The following CNTLN variants were observed in gnomAD, a reference collection of about 807,000 sequenced individuals.
CNTLN encodes centlein, centrosomal protein.
CNTLN carries 212 observed loss-of-function variants against 180.0 expected under a neutral mutation model. The ratio of observed to expected loss-of-function variants is 1.18; its 90% confidence interval spans 1.05 to 1.32. The LOEUF is 1.32. CNTLN is among the 40% of genes most tolerant of loss of function. The pLI is 0.00. For missense variants in CNTLN, 2,095 were observed against 1,610.9 expected (o/e 1.30, Z -5.14); for synonymous variants, 722 against 563.1 (o/e 1.28, Z -3.99).
intron 10 of CNTLN, among the ~76,000 whole-genome samples, chr9:17,337,049 A>G (rs1821094696): frequency 1.3e-5 from 2 of 152,082 alleles, no homozygotes; most frequent in Non-Finnish European, 2.9e-5. Flanking sequence ...TTTGATTTCC[A>G]TAATGACCAG....
chr9:17,359,331 C>T (rs1428908994), intron 12 of CNTLN, among the ~76,000 whole-genome samples: 3 of 151,930 alleles, frequency 2.0e-5, no homozygotes, highest in Non-Finnish European at 4.4e-5. Flanking sequence ...TTTCTTAAAC[C>T]AGGCATAAAA....
At chr9:17,345,786 G>A (rs375959941) in intron 12 of CNTLN, among the ~76,000 whole-genome samples, 18 of 151,936 alleles carry the variant, frequency 1.2e-4, no homozygotes, top group African/African-American at 1.9e-4. Flanking sequence ...AACATGGGTC[G>A]TCTCTTATGT....
intron 2 of CNTLN, among the ~76,000 whole-genome samples, chr9:17,172,386 C>G (rs1229066256): frequency 6.6e-6 from 1 of 152,146 alleles, no homozygotes; most frequent in Non-Finnish European, 1.5e-5. Flanking sequence ...TAGTTGTCCC[C>G]AGACATTTTA....
intron 12 of CNTLN, among the ~76,000 whole-genome samples, chr9:17,356,073 A>AG (rs1822817602): frequency 2.7e-5 from 3 of 110,794 alleles, no homozygotes; most frequent in African/African-American, 9.6e-5. Flanking sequence ...CAAAAAAAAA[A>AG]AAAAAAAAGA....
intron 2 of CNTLN, among the ~76,000 whole-genome samples, chr9:17,222,707 A>C (rs1172864557): frequency 6.6e-6 from 1 of 151,944 alleles, no homozygotes; most frequent in African/African-American, 2.4e-5. Flanking sequence ...ATACATTAAT[A>C]TTGCTAAATC....
chr9:17,382,135 C>T (rs1002965878), intron 13 of CNTLN, among the ~76,000 whole-genome samples: 8 of 152,062 alleles, frequency 5.3e-5, no homozygotes, highest in Non-Finnish European at 7.4e-5. Context: ...GTATATGTTG[C>T]GAGCATATGG....
chr9:17,306,836 G>A (rs1027879771), intron 7 of CNTLN, among the ~76,000 whole-genome samples: 3 of 152,086 alleles, frequency 2.0e-5, no homozygotes, highest in African/African-American at 7.2e-5. Context: ...TAATGCACCC[G>A]AGATTAGAAA....
chr9:17,395,947 A>G (rs932523404), intron 15 of CNTLN, among the ~76,000 whole-genome samples: 1 of 152,318 alleles, frequency 6.6e-6, no homozygotes, highest in Non-Finnish European at 1.5e-5. Context: ...AGTACAAAAC[A>G]AAGGTCATAA....
chr9:17,478,227 T>G (rs549611452), intron 23 of CNTLN, among the ~76,000 whole-genome samples: 9 of 152,250 alleles, frequency 5.9e-5, no homozygotes, highest in Non-Finnish European at 1.3e-4. Context: ...ATTGTATGAC[T>G]CACTTTATTG....
intron 13 of CNTLN, among the ~76,000 whole-genome samples, chr9:17,373,229 T>G (rs1033980520): frequency 4.6e-5 from 7 of 152,020 alleles, no homozygotes; most frequent in Non-Finnish European, 1.0e-4. Context: ...TTGGAAAAAC[T>G]TAAGAGTCCA....
chr9:17,205,705 A>C (rs571426223), intron 2 of CNTLN, among the ~76,000 whole-genome samples: 1 of 152,210 alleles, frequency 6.6e-6, no homozygotes, highest in Non-Finnish European at 1.5e-5. Context: ...GGATGCCCCA[A>C]TGGCAACAAA....
intron 13 of CNTLN, among the ~76,000 whole-genome samples, chr9:17,377,364 A>T (rs926662744): frequency 1.3e-5 from 2 of 152,112 alleles, no homozygotes; most frequent in African/African-American, 4.8e-5. Context: ...GGCCAACATG[A>T]CAAAACTCTC....
intron 6 of CNTLN, among the ~76,000 whole-genome samples, chr9:17,297,161 T>G (rs1818007905): frequency 6.6e-6 from 1 of 152,218 alleles, no homozygotes; most frequent in Admixed American, 6.5e-5. Context: ...TTTTTTCTTG[T>G]CATTATTCCC....
chr9:17,427,207 C>G (rs1324135480), intron 18 of CNTLN, among the ~76,000 whole-genome samples: 4 of 151,972 alleles, frequency 2.6e-5, no homozygotes, highest in African/African-American at 9.7e-5. Context: ...TACCGAACCT[C>G]CAGTCACATG....
intron 2 of CNTLN, among the ~76,000 whole-genome samples, chr9:17,183,493 T>G (rs1486363094): frequency 6.6e-6 from 1 of 151,922 alleles, no homozygotes; most frequent in Non-Finnish European, 1.5e-5. Flanking sequence ...GTTTTTTTTT[T>G]GTAAAAAAGG....
intron 7 of CNTLN, chr9:17,301,560 G>A: frequency 3.0e-6 from 3 of 984,810 alleles, no homozygotes; most frequent in Non-Finnish European, 3.6e-6. Context: ...GAGTGTGGGA[G>A]TAGGGGGCTT....
chr9:17,143,569 C>T (rs946592044), intron 2 of CNTLN, among the ~76,000 whole-genome samples, 193 bp downstream of exon 2: 17 of 152,128 alleles, frequency 1.1e-4, no homozygotes, highest in African/African-American at 3.9e-4. Flanking sequence ...TGCCCTGTTC[C>T]TGTTCATATT....
chr9:17,434,758 T>C (rs959467925), intron 18 of CNTLN, among the ~76,000 whole-genome samples: 4 of 152,144 alleles, frequency 2.6e-5, no homozygotes, highest in African/African-American at 9.6e-5. Flanking sequence ...TGTACTTTTT[T>C]TTAAGTATAT....
chr9:17,174,961 C>G (rs752988274), intron 2 of CNTLN, among the ~76,000 whole-genome samples: 1 of 152,138 alleles, frequency 6.6e-6, no homozygotes, highest in African/African-American at 2.4e-5. Context: ...TCGATGAGGA[C>G]ATGTCTTTTG....
Sources: allele counts gnomAD v4.1 joint callset (sites outside exome capture counted in the v4.1 genomes callset), GRCh38; gene constraint gnomAD v4.1.1; transcripts MANE v1.5; gene names NCBI Gene and HGNC (gene_info 2026-07-23, HGNC 2026-07-21).